SPAG16: variants seen among roughly 807,000 people sequenced by gnomAD.
SPAG16 encodes the protein sperm associated antigen 16.
SPAG16 carries 86 observed loss-of-function variants against 80.4 expected under a neutral mutation model. That is an observed-to-expected ratio of 1.07 (90% CI 0.90 to 1.28). The LOEUF is 1.28. Among genes scored for constraint, SPAG16 ranks in the 50% most tolerant of loss-of-function variants. The pLI, the probability that SPAG16 is intolerant of heterozygous loss-of-function variation, is 0.00. For synonymous variants in SPAG16, 294 were observed against 265.9 expected (o/e 1.11, Z -1.03); for missense variants, 870 against 765.3 (o/e 1.14, Z -1.61).
chr2:214,147,543 C>T (rs1259396402), intron 14 of SPAG16, among the ~76,000 whole-genome samples: 1 of 152,156 alleles, frequency 6.6e-6, no homozygotes. Context: ...TCTCTCAGAT[C>T]ATTGAAAGCC....
intron 10 of SPAG16, among the ~76,000 whole-genome samples, chr2:213,732,425 T>C (rs2067092419): frequency 6.6e-6 from 1 of 152,142 alleles, no homozygotes; most frequent in Admixed American, 6.6e-5. Context: ...GCTCAAAAGA[T>C]CCACTATTAC....
chr2:213,833,259 GT>G (rs886520211), intron 10 of SPAG16, among the ~76,000 whole-genome samples: 23 of 147,512 alleles, frequency 1.6e-4, no homozygotes, highest in African/African-American at 5.3e-4. Flanking sequence ...TGCAGCAGGT[GT>G]TTTCTCTCTG....
chr2:213,952,036 GAA>G (rs1339392448), intron 12 of SPAG16, among the ~76,000 whole-genome samples: 4 of 152,060 alleles, frequency 2.6e-5, no homozygotes, highest in African/African-American at 9.7e-5. Flanking sequence ...TATATTCTAA[GAA>G]TATTACTTAT....
At chr2:213,289,146 A>C (rs774276738) in intron 1 of SPAG16, among the ~76,000 whole-genome samples, 22 of 152,234 alleles carry the variant, frequency 1.4e-4, no homozygotes, top group Non-Finnish European at 2.8e-4. Context: ...ATTGCTAAGA[A>C]GCTTCCTGGT....
intron 10 of SPAG16, among the ~76,000 whole-genome samples, chr2:213,743,399 C>G (rs1034605037): frequency 2.0e-5 from 3 of 152,170 alleles, no homozygotes; most frequent in African/African-American, 7.2e-5. Flanking sequence ...ACACTCCATC[C>G]TGAGATCAAC....
chr2:213,376,416 AT>A (rs1231700897), intron 9 of SPAG16, among the ~76,000 whole-genome samples: 1 of 152,050 alleles, frequency 6.6e-6, no homozygotes, highest in Non-Finnish European at 1.5e-5. Context: ...ATATTATTTT[AT>A]GGTGTTGCAT....
chr2:213,786,234 G>A (rs1261716746), intron 10 of SPAG16, among the ~76,000 whole-genome samples: 1 of 151,938 alleles, frequency 6.6e-6, no homozygotes, highest in Non-Finnish European at 1.5e-5. Flanking sequence ...TAACATTTGC[G>A]CTTCTGTCGT....
intron 15 of SPAG16, among the ~76,000 whole-genome samples, chr2:214,250,641 A>G: frequency 6.9e-6 from 1 of 145,264 alleles, no homozygotes; most frequent in South Asian, 2.1e-4. Context: ...ATAAATATTT[A>G]TATATTTCTA....
chr2:213,742,386 AT>A lies in SPAG16; in HGVS notation c.1071-120097del, dbSNP rs372783512. Among the ~76,000 whole-genome samples the A allele has an allele frequency of 2.5e-3, 380 of 152,154 alleles. 1 individual carries two copies. The highest frequency in any genetic ancestry group is 8.7e-3 in the African/African-American group (362 of 41,514). On this transcript the variant is annotated intron_variant, in intron 10 of 15. Transcript: ENST00000331683. ...TGTTACTATTGTATATTTTAATTTC[AT>A]TCTGTTATGATACTAACAAGACATT...
chr2:214,118,885 A>T (rs2054078808), intron 14 of SPAG16, among the ~76,000 whole-genome samples: 3 of 151,374 alleles, frequency 2.0e-5, no homozygotes, highest in Non-Finnish European at 4.4e-5. Context: ...AAAAGGCTGC[A>T]AATAGCCAAA....
intron 10 of SPAG16, among the ~76,000 whole-genome samples, chr2:213,814,299 G>A (rs1046910805): frequency 1.3e-5 from 2 of 152,124 alleles, no homozygotes; most frequent in African/African-American, 2.4e-5. Flanking sequence ...GTTGGCTGAG[G>A]CCCACCTAAT....
chr2:214,031,632 A>AC (rs1197241412), intron 13 of SPAG16, among the ~76,000 whole-genome samples: 2 of 144,512 alleles, frequency 1.4e-5, no homozygotes, highest in Non-Finnish European at 3.1e-5. Context: ...AAACATGAAA[A>AC]AAAAAAGAAA....
At chr2:214,161,190 T>C (rs2056420718) in intron 15 of SPAG16, among the ~76,000 whole-genome samples, 1 of 152,176 alleles carries the variant, frequency 6.6e-6, no homozygotes, top group African/African-American at 2.4e-5. Context: ...ATTTTCTTTA[T>C]CCAGTCTATT....
intron 15 of SPAG16, among the ~76,000 whole-genome samples, chr2:214,296,894 G>A (rs905333873): frequency 1.8e-4 from 28 of 152,096 alleles, no homozygotes; most frequent in Non-Finnish European, 4.4e-5. Flanking sequence ...GAGTTTACAC[G>A]AGATTGTTTA....
intron 9 of SPAG16, among the ~76,000 whole-genome samples, chr2:213,389,521 T>C (rs1246586989): frequency 6.6e-6 from 1 of 152,054 alleles, no homozygotes; most frequent in Non-Finnish European, 1.5e-5. Context: ...GGAATTAATA[T>C]ACAGAATATA....
intron 6 of SPAG16, among the ~76,000 whole-genome samples, chr2:213,346,055 C>A (rs1038318518): frequency 1.1e-4 from 17 of 151,914 alleles, no homozygotes; most frequent in Non-Finnish European, 2.2e-4. Context: ...CTTTTATTTC[C>A]TTGAGCAGTG....
intron 10 of SPAG16, among the ~76,000 whole-genome samples, chr2:213,521,838 G>T (rs565332336): frequency 1.3e-5 from 2 of 152,242 alleles, no homozygotes; most frequent in South Asian, 4.1e-4. Context: ...CATTACAAAT[G>T]GTAAAGTTAG....
At chr2:213,471,334 C>T (rs1391517626) in intron 9 of SPAG16, among the ~76,000 whole-genome samples, 1 of 152,142 alleles carries the variant, frequency 6.6e-6, no homozygotes, top group East Asian at 1.9e-4. Flanking sequence ...AGCCCAATCA[C>T]GTATATACCA....
intron 15 of SPAG16, among the ~76,000 whole-genome samples, chr2:214,201,280 T>C (rs1022012342): frequency 6.6e-6 from 1 of 152,216 alleles, no homozygotes; most frequent in African/African-American, 2.4e-5. Flanking sequence ...TCTTAAAATC[T>C]AGCTGCTAAG....
Sources: gnomAD v4.1 joint callset for allele counts (sites outside exome capture counted in the v4.1 genomes callset) on GRCh38, gnomAD v4.1.1 for gene constraint, MANE v1.5 for transcripts, NCBI Gene and HGNC (gene_info 2026-07-23, HGNC 2026-07-21) for gene names.